The following PDE4D variants were observed in gnomAD, a reference collection of about 807,000 sequenced individuals.
PDE4D encodes the protein phosphodiesterase 4D, also known as 3',5'-cyclic-AMP phosphodiesterase 4D.
PDE4D carries 24 observed loss-of-function variants against 87.4 expected under a neutral mutation model. The ratio of observed to expected loss-of-function variants is 0.27; its 90% CI spans 0.20 to 0.39. The LOEUF (loss-of-function observed/expected upper bound fraction) is 0.39. Ranked by LOEUF, PDE4D falls within the 10% of genes least tolerant of loss-of-function variation. PDE4D has a pLI of 1.00. For missense variants in PDE4D, 714 were observed against 1,041.0 expected, an observed-to-expected ratio of 0.69 and a Z score of 4.32; for synonymous variants, 384 against 383.2, an observed-to-expected ratio of 1.00 and a Z score of -0.02.
chr5:59,768,400 A>G (rs1561630827), intron 1 of PDE4D: 3 of 1,598,410 alleles, frequency 1.9e-6, no homozygotes, highest in Non-Finnish European at 2.5e-6. Context: ...ATGCTGCAAC[A>G]GGTTTTCTCG....
chr5:59,372,767 C>T (rs1304542567), intron 1 of PDE4D, among the ~76,000 whole-genome samples: 1 of 152,188 alleles, frequency 6.6e-6, no homozygotes, highest in Non-Finnish European at 1.5e-5. Context: ...AGGCAGGCAC[C>T]CCCACACCCA....
chr5:59,632,313 C>T (rs1162922298), intron 1 of PDE4D, among the ~76,000 whole-genome samples: 2 of 152,194 alleles, frequency 1.3e-5, no homozygotes. Flanking sequence ...GCTTTGGGCA[C>T]AGCTTCAGCA....
At chr5:59,239,343 C>T (rs777144937) in intron 1 of PDE4D, among the ~76,000 whole-genome samples, 1 of 152,146 alleles carries the variant, frequency 6.6e-6, no homozygotes, top group Non-Finnish European at 1.5e-5. Context: ...CTCAACCCTG[C>T]TCTCTGCCTC....
chr5:59,423,555 A>G (rs766860710), intron 1 of PDE4D, among the ~76,000 whole-genome samples: 41 of 152,202 alleles, frequency 2.7e-4, no homozygotes, highest in Non-Finnish European at 4.9e-4. Flanking sequence ...GTGCAGTAAC[A>G]GACACAGAAG....
intron 1 of PDE4D, among the ~76,000 whole-genome samples, chr5:59,587,893 A>AT (rs1038694259): frequency 1.6e-4 from 24 of 152,038 alleles, no homozygotes; most frequent in African/African-American, 5.3e-4. Context: ...CGGAGGGAGG[A>AT]TTTTTTGTTT....
chr5:60,046,981 TG>T (rs1442957584), intron 2 of PDE4D, among the ~76,000 whole-genome samples: 1 of 152,220 alleles, frequency 6.6e-6, no homozygotes, highest in Non-Finnish European at 1.5e-5. Flanking sequence ...AATTCGGCTG[TG>T]AATCCATCTG....
intron 1 of PDE4D, among the ~76,000 whole-genome samples, chr5:60,208,354 G>A (rs868097017): frequency 6.6e-5 from 10 of 152,206 alleles, no homozygotes; most frequent in Admixed American, 5.2e-4. Context: ...AAGTACCTTG[G>A]TGTGTCTGAA....
At chr5:59,404,687 G>A (rs1791312482) in intron 1 of PDE4D, among the ~76,000 whole-genome samples, 1 of 138,056 alleles carries the variant, frequency 7.2e-6, no homozygotes, top group South Asian at 2.3e-4. Flanking sequence ...AAAAATCTTT[G>A]CTCAGGCCAA....
intron 1 of PDE4D, among the ~76,000 whole-genome samples, chr5:59,619,065 A>G (rs140893639): frequency 6.6e-6 from 1 of 152,358 alleles, no homozygotes; most frequent in African/African-American, 2.4e-5. Flanking sequence ...ACCCATGTAT[A>G]TAAAAAACTT....
chr5:59,862,582 C>G (rs930356313), intron 1 of PDE4D, among the ~76,000 whole-genome samples: 1 of 152,180 alleles, frequency 6.6e-6, no homozygotes, highest in Non-Finnish European at 1.5e-5. Context: ...TCAATCTCCA[C>G]GTCTGTAAAA....
chr5:60,149,425 GA>G (rs1275356538), intron 2 of PDE4D, among the ~76,000 whole-genome samples: 1 of 152,120 alleles, frequency 6.6e-6, no homozygotes, highest in African/African-American at 2.4e-5. Context: ...GAACTCTTAT[GA>G]CCTAATTACC....
At chr5:60,360,114 T>G (rs1165632550) in intron 1 of PDE4D, among the ~76,000 whole-genome samples, 1 of 152,220 alleles carries the variant, frequency 6.6e-6, no homozygotes. Flanking sequence ...GATTTGTTGC[T>G]AGGGCACAAG....
At chr5:59,515,671 G>C (rs1415099477) in intron 1 of PDE4D, among the ~76,000 whole-genome samples, 1 of 152,194 alleles carries the variant, frequency 6.6e-6, no homozygotes, top group African/African-American at 2.4e-5. Context: ...AAATATAACT[G>C]AAAATTGTTG....
At chr5:60,206,188 AC>A in intron 1 of PDE4D, among the ~76,000 whole-genome samples, 1 of 152,338 alleles carries the variant, frequency 6.6e-6, no homozygotes, top group Admixed American at 6.5e-5. Context: ...ATTTGAAGTC[AC>A]CTGTAGATCA....
In PDE4D at chr5:59,153,773, G is replaced by GT. The variant is rs138856664; in HGVS notation, c.808+26821dup. On this transcript the variant is annotated intron_variant, in intron 5 of 14. Transcript: ENST00000340635. ...CAGGGTTTTTTTTTTTGTTGTTGTTGTTTTTTTTTAATAAAGAGGCATAGA... is the reference window on the plus strand; with the variant it reads ...CAGGGTTTTTTTTTTTGTTGTTGTTGTTTTTTTTTTAATAAAGAGGCATAGA... 3.7e-3 allele frequency among the ~76,000 whole-genome samples: 551 copies of GT among 148,996 alleles called. 9 individuals carry two copies. In the East Asian group the frequency reaches 0.054, roughly 15 times the overall value.
chr5:59,295,999 G>A (rs1206496897), intron 1 of PDE4D, among the ~76,000 whole-genome samples: 2 of 151,796 alleles, frequency 1.3e-5, no homozygotes, highest in South Asian at 2.1e-4. Context: ...CATAGCCAAC[G>A]TTTCTCAATT....
chr5:60,292,495 T>C (rs1583321884), intron 1 of PDE4D, among the ~76,000 whole-genome samples: 1 of 152,184 alleles, frequency 6.6e-6, no homozygotes, highest in African/African-American at 2.4e-5. Context: ...GAGAAAATGG[T>C]ATACATCTGA....
intron 1 of PDE4D, among the ~76,000 whole-genome samples, chr5:59,595,294 AT>A (rs1445643705): frequency 6.6e-6 from 1 of 152,206 alleles, no homozygotes; most frequent in Non-Finnish European, 1.5e-5. Flanking sequence ...ATTCAATATC[AT>A]TTAAAGTTTC....
intron 1 of PDE4D, among the ~76,000 whole-genome samples, chr5:59,383,290 C>G: frequency 6.9e-6 from 1 of 145,556 alleles, no homozygotes; most frequent in East Asian, 2.0e-4. Flanking sequence ...CTCACTGCAG[C>G]CTCACTAGCC....
Sources: allele counts gnomAD v4.1 joint callset (sites outside exome capture counted in the v4.1 genomes callset), GRCh38; gene constraint gnomAD v4.1.1; transcripts MANE v1.5; gene names NCBI Gene and HGNC (gene_info 2026-07-23, HGNC 2026-07-21).